The following C1QTNF3 variants were observed in gnomAD, a reference collection of about 807,000 sequenced individuals.
The protein encoded by C1QTNF3 is C1q and TNF related 3.
C1QTNF3 carries 26 observed loss-of-function variants against 32.6 expected under a neutral mutation model. That is an observed-to-expected ratio of 0.80 (90% CI 0.58 to 1.11). The LOEUF (loss-of-function observed/expected upper bound fraction) is 1.11, where lower values mean the gene tolerates loss of function less well. Among genes scored for constraint, C1QTNF3 ranks in the 50% least tolerant of loss-of-function variants. C1QTNF3 has a pLI of 0.00. For missense variants in C1QTNF3, 362 were observed against 398.2 expected, an observed-to-expected ratio of 0.91 and a Z score of 0.77; for synonymous variants, 155 against 146.0, an observed-to-expected ratio of 1.06 and a Z score of -0.44.
At chr5:34,178,213 G>A in the C1QTNF3 span, among the ~76,000 whole-genome samples, 2,209 of 151,878 alleles carry the variant, frequency 0.015, 37 homozygotes, top group South Asian at 0.034. Context: ...CCTGGGAGGC[G>A]GAGGTAGCAG....
the C1QTNF3 span, chr5:34,200,534 C>G: frequency 1.1e-4 from 17 of 152,098 alleles, no homozygotes; most frequent in Non-Finnish European, 2.1e-4. Context: ...GACATTTTCA[C>G]CCCCCAGCAA....
chr5:34,103,302 T>G, the C1QTNF3 span, among the ~76,000 whole-genome samples: 1 of 152,054 alleles, frequency 6.6e-6, no homozygotes, highest in Non-Finnish European at 1.5e-5. Flanking sequence ...ATTTTTATGT[T>G]TTCTACTTTT....
the C1QTNF3 span, among the ~76,000 whole-genome samples, chr5:34,177,203 A>T: frequency 0.02 from 3,018 of 150,212 alleles, 54 homozygotes; most frequent in Admixed American, 0.039. Context: ...AAATTTTTTT[A>T]AATTAAACCA....
intron 4 of C1QTNF3, among the ~76,000 whole-genome samples, chr5:34,025,391 T>A (rs1754434529): frequency 6.6e-6 from 1 of 152,294 alleles, no homozygotes; most frequent in East Asian, 1.9e-4. Context: ...AAAAACATGT[T>A]AGAAAGAGGA....
chr5:34,134,665 T>C, the C1QTNF3 span, among the ~76,000 whole-genome samples: 22 of 152,168 alleles, frequency 1.4e-4, 1 homozygote, highest in Admixed American at 1.4e-3. Flanking sequence ...TTCCTAGGTA[T>C]TTTCCTCTCT....
chr5:34,171,825 C>T, the C1QTNF3 span, among the ~76,000 whole-genome samples: 1 of 152,292 alleles, frequency 6.6e-6, no homozygotes, highest in East Asian at 1.9e-4. Context: ...TGATTGATAA[C>T]ATTTGTATTC....
the C1QTNF3 span, among the ~76,000 whole-genome samples, chr5:34,228,104 T>C: frequency 1.3e-5 from 2 of 151,938 alleles, no homozygotes; most frequent in African/African-American, 2.4e-5. Context: ...TCACTGTCCA[T>C]ATCACTTTCA....
Position 34,020,531 on chromosome 5 carries a change from A to G in C1QTNF3, c.*52T>C. 1 of 1,584,290 alleles carries G rather than the reference A, an allele frequency of 6.3e-7. No homozygotes were observed. The highest frequency in any genetic ancestry group is 8.6e-7 in the Non-Finnish European group (1 of 1,159,438). On this transcript the variant is annotated 3_prime_UTR_variant, in exon 6 of 6. Coordinates refer to ENST00000382065, the MANE Select transcript of C1QTNF3 (RefSeq NM_181435.6). ...CTTTAATGTTCCTCAGATCGTAACA[A>G]ATCAGCTCAGCTACAAGTCTTCCCC...
chr5:34,227,106 T>C, the C1QTNF3 span, among the ~76,000 whole-genome samples: 1 of 150,112 alleles, frequency 6.7e-6, no homozygotes, highest in Non-Finnish European at 1.5e-5. Context: ...ACATCATGAA[T>C]AATACAGGAG....
the C1QTNF3 span, chr5:34,168,799 T>C: frequency 6.6e-6 from 1 of 152,136 alleles, no homozygotes; most frequent in Admixed American, 6.6e-5. Flanking sequence ...TAAAGTAAAA[T>C]ATAACTTTAT....
the C1QTNF3 span, among the ~76,000 whole-genome samples, chr5:34,195,422 T>C: frequency 1.4e-5 from 2 of 141,490 alleles, no homozygotes; most frequent in African/African-American, 5.2e-5. Context: ...TGAAAAATTA[T>C]TGATACTGTT....
chr5:34,146,500 G>A, the C1QTNF3 span, among the ~76,000 whole-genome samples: 5 of 152,014 alleles, frequency 3.3e-5, no homozygotes, highest in Admixed American at 6.6e-5. Context: ...CAAAAAACCC[G>A]GAAATAAAGA....
chr5:34,065,381 A>C, the C1QTNF3 span, among the ~76,000 whole-genome samples: 2 of 152,150 alleles, frequency 1.3e-5, no homozygotes, highest in African/African-American at 4.8e-5. Flanking sequence ...AAGTCAAAAA[A>C]CAGGCCATGC....
At chr5:34,065,621 C>T in the C1QTNF3 span, among the ~76,000 whole-genome samples, 1 of 151,738 alleles carries the variant, frequency 6.6e-6, no homozygotes, top group Non-Finnish European at 1.5e-5. Context: ...TACCCGAAAT[C>T]AAACCATTGC....
At chr5:34,216,093 T>A in the C1QTNF3 span, among the ~76,000 whole-genome samples, 4 of 152,216 alleles carry the variant, frequency 2.6e-5, no homozygotes, top group Admixed American at 2.6e-4. Flanking sequence ...AAAACAATTA[T>A]CCATACAGGT....
At chr5:34,161,690 A>C in the C1QTNF3 span, among the ~76,000 whole-genome samples, 1 of 152,202 alleles carries the variant, frequency 6.6e-6, no homozygotes, top group Non-Finnish European at 1.5e-5. Context: ...TTTATCTTTC[A>C]TAGTGAAATA....
chr5:34,178,305 T>A, the C1QTNF3 span, among the ~76,000 whole-genome samples: 19 of 152,228 alleles, frequency 1.2e-4, no homozygotes, highest in African/African-American at 4.1e-4. Context: ...CAGAGCTGGT[T>A]ACCTTTTCAA....
chr5:34,052,666 G>T, the C1QTNF3 span, among the ~76,000 whole-genome samples: 2 of 152,200 alleles, frequency 1.3e-5, no homozygotes, highest in African/African-American at 4.8e-5. Context: ...AAGAGACATT[G>T]CTGCAGCAAA....
the C1QTNF3 span, among the ~76,000 whole-genome samples, chr5:34,225,634 C>T: frequency 6.6e-6 from 1 of 151,910 alleles, no homozygotes; most frequent in East Asian, 1.9e-4. Context: ...TTTCACCTTG[C>T]TGATCAATCC....
Sources: gnomAD v4.1 joint callset for allele counts (sites outside exome capture counted in the v4.1 genomes callset) on GRCh38, gnomAD v4.1.1 for gene constraint, MANE v1.5 for transcripts, NCBI Gene and HGNC (gene_info 2026-07-23, HGNC 2026-07-21) for gene names.